GALNT13: variants seen among roughly 807,000 people sequenced by gnomAD.
GALNT13 encodes the protein polypeptide N-acetylgalactosaminyltransferase 13.
GALNT13 carries 28 observed loss-of-function variants against 64.2 expected under a neutral mutation model. The observed-to-expected ratio is 0.44, with a 90% CI of 0.32 to 0.60. The LOEUF (loss-of-function observed/expected upper bound fraction) is 0.60. Ranked by LOEUF, GALNT13 falls within the 20% of genes least tolerant of loss-of-function variation. GALNT13 has a pLI of 0.05. For missense variants in GALNT13, 577 were observed against 669.8 expected, an observed-to-expected ratio of 0.86 and a Z score of 1.53; for synonymous variants, 214 against 224.6, an observed-to-expected ratio of 0.95 and a Z score of 0.42.
chr2:154,243,712 A>G (rs1025385655), intron 6 of GALNT13, among the ~76,000 whole-genome samples: 2 of 152,214 alleles, frequency 1.3e-5, no homozygotes, highest in African/African-American at 2.4e-5. Context: ...TACCTAGATA[A>G]CTAACATTGA....
the GALNT13 span, among the ~76,000 whole-genome samples, chr2:153,140,113 T>G: frequency 5.9e-4 from 90 of 152,162 alleles, 2 homozygotes; most frequent in South Asian, 0.018. Context: ...TAAGATTTGT[T>G]ACGCCAGATT....
the GALNT13 span, among the ~76,000 whole-genome samples, chr2:153,494,996 A>C: frequency 1.3e-5 from 2 of 152,176 alleles, no homozygotes; most frequent in Non-Finnish European, 2.9e-5. Flanking sequence ...AATTGGGAAA[A>C]TGCATTTAAA....
At position 154,396,058 on chromosome 2, in the gene GALNT13, G is replaced by A. The variant is rs1415549799; in HGVS notation, c.1224G>A (p.Lys408=). The A allele has an allele frequency of 3.1e-6, 5 of 1,611,386 alleles. No homozygotes were observed. Among genetic ancestry groups the A allele is most frequent in the African/African-American group, 1.3e-5 (1 of 74,782 alleles). The change falls in exon 10 of 13, where the codon AAG becomes AAA. Residue 408 remains lysine (K), a synonymous_variant. Transcript: ENST00000392825. The part of the protein sequence containing the change: ...RKTLRENLKC[K]PFSWYLENIY... ...CACTAAGAGAAAATCTGAAGTGTAA[G>A]CCCTTTTCTTGGTACCTAGAAAACA...
At chr2:154,036,129 T>G (rs1044825602) in intron 3 of GALNT13, among the ~76,000 whole-genome samples, 3 of 152,118 alleles carry the variant, frequency 2.0e-5, no homozygotes, top group African/African-American at 7.2e-5. Flanking sequence ...TTATTTCATT[T>G]ATTGATACAG....
chr2:153,744,237 T>A, the GALNT13 span, among the ~76,000 whole-genome samples: 10 of 152,166 alleles, frequency 6.6e-5, no homozygotes, highest in Non-Finnish European at 1.5e-4. Context: ...TTTTTAGTTT[T>A]TTTGAGAAAC....
chr2:153,238,300 A>G, the GALNT13 span, among the ~76,000 whole-genome samples: 3 of 151,524 alleles, frequency 2.0e-5, no homozygotes, highest in Admixed American at 6.6e-5. Flanking sequence ...CACTTTTTTG[A>G]TCATTTATTT....
intron 8 of GALNT13, among the ~76,000 whole-genome samples, chr2:154,275,873 T>C (rs1691620190): frequency 1.2e-4 from 18 of 152,210 alleles, no homozygotes. Context: ...GGAATGGAGC[T>C]ACCCAAGGCC....
the GALNT13 span, among the ~76,000 whole-genome samples, chr2:153,077,409 A>G: frequency 1.3e-5 from 2 of 152,156 alleles, no homozygotes; most frequent in Non-Finnish European, 2.9e-5. Context: ...TTGGGAAGCA[A>G]CAAACTGAAA....
At chr2:153,078,645 T>C in the GALNT13 span, among the ~76,000 whole-genome samples, 2 of 152,186 alleles carry the variant, frequency 1.3e-5, no homozygotes, top group African/African-American at 4.8e-5. Context: ...CCTCTTGATT[T>C]ACACCTCCAA....
At chr2:153,497,258 A>G in the GALNT13 span, among the ~76,000 whole-genome samples, 3 of 152,090 alleles carry the variant, frequency 2.0e-5, no homozygotes, top group Admixed American at 1.3e-4. Context: ...CTCGAACCTA[A>G]GGAAGCACAA....
At chr2:153,073,752 G>A in the GALNT13 span, among the ~76,000 whole-genome samples, 1 of 152,058 alleles carries the variant, frequency 6.6e-6, no homozygotes, top group Non-Finnish European at 1.5e-5. Flanking sequence ...TTCCAGTTGT[G>A]CACATTTATT....
At chr2:153,748,348 C>T in the GALNT13 span, among the ~76,000 whole-genome samples, 1 of 152,088 alleles carries the variant, frequency 6.6e-6, no homozygotes. Flanking sequence ...TTTTAGGAAT[C>T]TCCAAATTGT....
At chr2:154,178,611 C>T (rs546532789) in intron 4 of GALNT13, among the ~76,000 whole-genome samples, 23 of 152,140 alleles carry the variant, frequency 1.5e-4, no homozygotes, top group Non-Finnish European at 2.6e-4. Context: ...AATCTGCACA[C>T]GGAGTTGGTC....
the GALNT13 span, among the ~76,000 whole-genome samples, chr2:153,291,005 G>C: frequency 3.3e-5 from 5 of 152,182 alleles, no homozygotes; most frequent in African/African-American, 9.6e-5. Flanking sequence ...TGTCTTTGTT[G>C]TTGGTTTATT....
At chr2:153,465,826 A>G in the GALNT13 span, among the ~76,000 whole-genome samples, 1 of 152,024 alleles carries the variant, frequency 6.6e-6, no homozygotes, top group Non-Finnish European at 1.5e-5. Flanking sequence ...GTGAAACAAA[A>G]GATGATTTTT....
At chr2:153,296,203 T>C in the GALNT13 span, among the ~76,000 whole-genome samples, 153 of 152,126 alleles carry the variant, frequency 1.0e-3, no homozygotes, top group African/African-American at 3.5e-3. Context: ...AGAATTTGAG[T>C]AAGTGGAAAA....
the GALNT13 span, among the ~76,000 whole-genome samples, chr2:153,849,215 T>A: frequency 7.9e-5 from 12 of 151,988 alleles, no homozygotes; most frequent in Non-Finnish European, 1.5e-5. Flanking sequence ...AAAAAACACA[T>A]TTGAGAAAAG....
At chr2:153,606,704 A>C in the GALNT13 span, among the ~76,000 whole-genome samples, 2 of 152,014 alleles carry the variant, frequency 1.3e-5, no homozygotes, top group Admixed American at 1.3e-4. Flanking sequence ...AACTTAGAGT[A>C]GTGTGACAAG....
chr2:154,304,063 TA>T (rs1190154492), intron 9 of GALNT13, among the ~76,000 whole-genome samples: 6 of 152,274 alleles, frequency 3.9e-5, no homozygotes, highest in Non-Finnish European at 5.9e-5. Flanking sequence ...AAAACTTTTT[TA>T]TATATAAGTA....
Sources: allele counts gnomAD v4.1 joint callset (sites outside exome capture counted in the v4.1 genomes callset), GRCh38; gene constraint gnomAD v4.1.1; transcripts MANE v1.5; gene names NCBI Gene and HGNC (gene_info 2026-07-23, HGNC 2026-07-21).